The following KIF26A variants were observed in gnomAD, a reference collection of about 807,000 sequenced individuals.
KIF26A encodes the protein kinesin family member 26A.
A neutral mutation model predicts 126.0 loss-of-function variants in KIF26A; 74 were observed. The observed-to-expected ratio is 0.59, with a 90% CI of 0.49 to 0.71. The LOEUF is 0.71. KIF26A is among the 30% of genes least tolerant of loss of function. KIF26A has a pLI of 0.00. For missense variants in KIF26A, 2,984 were observed against 2,763.3 expected, an observed-to-expected ratio of 1.08 and a Z score of -1.79; for synonymous variants, 1,445 against 1,232.7, an observed-to-expected ratio of 1.17 and a Z score of -3.61.
At chr14:104,155,293 GAGTT>G (rs1473441021) in intron 3 of KIF26A, among the ~76,000 whole-genome samples, 1 of 152,226 alleles carries the variant, frequency 6.6e-6, no homozygotes, top group African/African-American at 2.4e-5. Flanking sequence ...CCTAAGAAGA[GAGTT>G]AGCTTGGCAT....
At chr14:104,167,993 C>T (rs886342067) in intron 5 of KIF26A, among the ~76,000 whole-genome samples, 3 of 152,208 alleles carry the variant, frequency 2.0e-5, no homozygotes, top group Non-Finnish European at 2.9e-5. Context: ...ACGTTGGAGA[C>T]CCCCTGGCAG....
rs1547350 is a variant in KIF26A, at chr14:104,179,989, A to T, written c.*199A>T. ...ACAGAGCGAGGGTGCCAGGGTGACC[A>T]GAAGACCGTCACCACCCGACAGCAA... On this transcript the variant is annotated 3_prime_UTR_variant, in exon 15 of 15. Transcript: ENST00000423312. The T allele has an allele frequency of 7.9e-6, 4 of 508,008 alleles. No homozygotes were observed. Among genetic ancestry groups the T allele is most frequent in the Non-Finnish European group, 1.3e-5 (4 of 300,392 alleles). The allele number at this position is 508,008 out of a possible 1,614,324, so 31.5% of individuals were successfully genotyped here.
At chr14:104,162,179 AAGC>A (rs2037839359) in intron 4 of KIF26A, among the ~76,000 whole-genome samples, 1 of 152,196 alleles carries the variant, frequency 6.6e-6, no homozygotes, top group Non-Finnish European at 1.5e-5. Flanking sequence ...AAGCCCGTAA[AAGC>A]AGGCACCGGG....
intron 4 of KIF26A, among the ~76,000 whole-genome samples, chr14:104,165,452 T>G (rs1262177268): frequency 6.7e-6 from 1 of 150,216 alleles, no homozygotes; most frequent in Non-Finnish European, 1.5e-5. Context: ...TGTGTGTTTC[T>G]GTATGCGTGT....
chr14:104,167,176 G>A, intron 5 of KIF26A, 128 bp downstream of exon 5: 1 of 1,035,638 alleles, frequency 9.7e-7, no homozygotes, highest in Non-Finnish European at 1.3e-6. Context: ...GGTCAGTGGG[G>A]TGCCATGGGG....
chr14:104,156,141 C>T (rs866657845), intron 3 of KIF26A, among the ~76,000 whole-genome samples: 2 of 152,352 alleles, frequency 1.3e-5, no homozygotes, highest in Non-Finnish European at 1.5e-5. Context: ...CTCAACCAGA[C>T]CCGGCTCTGC....
intron 2 of KIF26A, among the ~76,000 whole-genome samples, chr14:104,144,475 T>C (rs1278450545): frequency 1.3e-5 from 2 of 152,184 alleles, no homozygotes; most frequent in African/African-American, 2.4e-5. Context: ...AGAGTCCTGC[T>C]GGAGGGGCTT....
intron 2 of KIF26A, among the ~76,000 whole-genome samples, chr14:104,140,343 C>T (rs536453281): frequency 1.3e-5 from 2 of 152,306 alleles, no homozygotes; most frequent in South Asian, 4.1e-4. Flanking sequence ...CTGTCCTCTG[C>T]TCTGGACAGG....
intron 6 of KIF26A, among the ~76,000 whole-genome samples, chr14:104,172,184 G>T (rs1378375982): frequency 6.6e-6 from 1 of 152,234 alleles, no homozygotes; most frequent in Admixed American, 6.5e-5. Flanking sequence ...TCCGGAGCCC[G>T]CCCTCCCGGG....
intron 2 of KIF26A, among the ~76,000 whole-genome samples, chr14:104,143,190 C>T (rs912145124): frequency 1.3e-5 from 2 of 152,244 alleles, no homozygotes; most frequent in African/African-American, 4.8e-5. Flanking sequence ...CATCCTTATG[C>T]CCCCAAGAGC....
chr14:104,165,375 CATGT>C (rs1041866609), intron 4 of KIF26A, among the ~76,000 whole-genome samples: 24 of 125,262 alleles, frequency 1.9e-4, no homozygotes, highest in Admixed American at 7.0e-4. Context: ...TCCCTGTGTG[CATGT>C]GTCTCTGTGT....
At position 104,177,744 on chromosome 14, in the gene KIF26A, C is replaced by T. The variant is rs919331526; in HGVS notation, c.4956C>T (p.His1652=). The stretch of plus-strand genomic sequence containing the variant: ...CCATGGGCCGCACCGCCCTTTTCCA[C>T]CACAGCGGTGGCAGCAGTGGCTATG... ...PPAMGRTALF[H]HSGGSSGYES... Residue 1652 remains histidine (H), a synonymous_variant, in exon 12 of 15, where the codon CAC becomes CAT. Coordinates refer to ENST00000423312, the MANE Select transcript of KIF26A (RefSeq NM_015656.2). 30 of 1,544,418 alleles carry T rather than the reference C, an allele frequency of 1.9e-5. No homozygotes were observed. In the African/African-American group the frequency reaches 3.1e-4, roughly 16 times the overall value.
intron 3 of KIF26A, among the ~76,000 whole-genome samples, chr14:104,154,245 G>A (rs2037756617): frequency 6.6e-6 from 1 of 152,194 alleles, no homozygotes; most frequent in Admixed American, 6.5e-5. Context: ...TGGGGCCAGC[G>A]GGTGGGACGG....
chr14:104,138,862 C>T (rs541205021), intron 1 of KIF26A, 98 bp downstream of exon 1: 2 of 1,260,352 alleles, frequency 1.6e-6, no homozygotes, highest in African/African-American at 3.1e-5. Flanking sequence ...GCCGGGCCTC[C>T]TGCTGAGGGT....
At chr14:104,165,215 ATG>A (rs1471749629) in intron 4 of KIF26A, among the ~76,000 whole-genome samples, 13 of 137,474 alleles carry the variant, frequency 9.5e-5, no homozygotes, top group Non-Finnish European at 1.7e-4. Context: ...GTGTCTCTGC[ATG>A]TGTTTCTGTG....
intron 4 of KIF26A, among the ~76,000 whole-genome samples, chr14:104,166,069 G>A (rs899688194): frequency 6.6e-6 from 1 of 152,130 alleles, no homozygotes; most frequent in Admixed American, 6.5e-5. Flanking sequence ...GGCGGTGCTG[G>A]GGCAAGGCTG....
At chr14:104,172,952 G>T in intron 7 of KIF26A, 25 bp from the exon 8 acceptor site, 1 of 1,564,536 alleles carries the variant, frequency 6.4e-7, no homozygotes, top group East Asian at 2.3e-5. Flanking sequence ...TGTGTGGTGG[G>T]GCCTGACGCC....
At chr14:104,164,245 G>A (rs1200092800) in intron 4 of KIF26A, among the ~76,000 whole-genome samples, 3 of 152,100 alleles carry the variant, frequency 2.0e-5, no homozygotes, top group Non-Finnish European at 4.4e-5. Context: ...GAGAGGCCGA[G>A]GGCTGTGGGG....
At position 104,147,825 on chromosome 14, in the gene KIF26A, C is replaced by G. The variant is rs538198884; in HGVS notation, c.289-4190C>G. Among the ~76,000 whole-genome samples the G allele has an allele frequency of 3.9e-5, 6 of 152,292 alleles. No individual in the cohort carries two copies. The East Asian group carries it at 1.2e-3, about 29-fold the overall frequency. On this transcript the variant is annotated intron_variant, in intron 2 of 14. Transcript: ENST00000423312. ...CCATGGGGTCCTTTTGAGGGCTGCC[C>G]GCACACGCATGCCTCACTGCGTGGG...
Sources: gnomAD v4.1 joint callset for allele counts (sites outside exome capture counted in the v4.1 genomes callset) on GRCh38, gnomAD v4.1.1 for gene constraint, MANE v1.5 for transcripts, NCBI Gene and HGNC (gene_info 2026-07-23, HGNC 2026-07-21) for gene names.